PHAF1: variants seen among roughly 807,000 people sequenced by gnomAD.
The protein encoded by PHAF1 is phagosome assembly factor 1.
In PHAF1, 23 loss-of-function variants were observed where a neutral mutation model predicts 63.1. The observed-to-expected ratio is 0.36, with a 90% confidence interval of 0.26 to 0.52. The LOEUF (loss-of-function observed/expected upper bound fraction) is 0.52, where lower values mean the gene tolerates loss of function less well. Ranked by LOEUF, PHAF1 falls within the 20% of genes least tolerant of loss-of-function variation. PHAF1 has a pLI of 0.93. For synonymous variants in PHAF1, 167 were observed against 185.0 expected (o/e 0.90, Z 0.79); for missense variants, 427 against 517.2 (o/e 0.83, Z 1.69).
chr16:67,123,509 G>A (rs1250903133), intron 2 of PHAF1, among the ~76,000 whole-genome samples: 2 of 152,074 alleles, frequency 1.3e-5, no homozygotes, highest in Non-Finnish European at 2.9e-5. Flanking sequence ...CCTGAGAGGC[G>A]GAGGTTGCAG....
intron 10 of PHAF1, among the ~76,000 whole-genome samples, chr16:67,140,796 A>G (rs998296120): frequency 6.6e-6 from 1 of 152,242 alleles, no homozygotes. Context: ...GCTCAGGAAC[A>G]CTAGGTTCCC....
rs1567643376 is a variant in PHAF1 at position 67,125,949 on chromosome 16, T to G, written c.148-10T>G. The G allele has an allele frequency of 6.3e-7, 1 of 1,593,834 alleles. No homozygotes were observed. The highest frequency in any genetic ancestry group is 1.7e-5 in the Admixed American group (1 of 59,894). ...AGTTACTCAGAATGTATTTTATTTT[T>G]GTTTTGTAGTCTCCTCTAAGCCATG... On this transcript the variant is annotated splice_polypyrimidine_tract_variant and intron_variant, in intron 2 of 15. Transcript: ENST00000219139.
chr16:67,146,511 C>T (rs1332200752), intron 15 of PHAF1, among the ~76,000 whole-genome samples, 161 bp downstream of exon 15: 2 of 152,222 alleles, frequency 1.3e-5, no homozygotes, highest in Non-Finnish European at 2.9e-5. Flanking sequence ...CCTCCCCACA[C>T]TTAACAATGA....
intron 1 of PHAF1, among the ~76,000 whole-genome samples, chr16:67,119,101 C>T (rs1174678940): frequency 6.6e-6 from 1 of 152,040 alleles, no homozygotes; most frequent in African/African-American, 2.4e-5. Flanking sequence ...TAAAATTGTT[C>T]CTTATAAGTC....
chr16:67,137,033 T>TA (rs1963634798), intron 8 of PHAF1, among the ~76,000 whole-genome samples: 1 of 151,916 alleles, frequency 6.6e-6, no homozygotes, highest in Non-Finnish European at 1.5e-5. Flanking sequence ...CAGGCGCCTG[T>TA]AGTTCCAGCT....
intron 15 of PHAF1, 121 bp from the exon 16 acceptor site, chr16:67,146,921 TGAG>T: frequency 2.3e-6 from 2 of 861,872 alleles, no homozygotes; most frequent in South Asian, 1.5e-5. Context: ...CAGGGGAGGT[TGAG>T]GAGTCGGGAA....
At chr16:67,117,182 A>G (rs1458918737) in intron 1 of PHAF1, among the ~76,000 whole-genome samples, 1 of 141,606 alleles carries the variant, frequency 7.1e-6, no homozygotes, top group Non-Finnish European at 1.5e-5. Context: ...ACAGGCACAC[A>G]CCACCATGCC....
chr16:67,110,113 C>G lies in PHAF1; in HGVS notation c.-63C>G. 6.5e-7 allele frequency: 1 copy of G among 1,532,396 alleles called. No individual in the cohort carries two copies. Among genetic ancestry groups the G allele is most frequent in the Non-Finnish European group, 8.8e-7 (1 of 1,132,952 alleles). The allele number at this position is 1,532,396 out of a possible 1,614,324, so 94.9% of individuals were successfully genotyped here. ...CGGCCTGTCAGCCGCTGCTTTGTCT[C>G]CTTAGCTCGGGTCCCTTCTGCGCTG... On this transcript the variant is annotated 5_prime_UTR_variant, in exon 1 of 16. Coordinates refer to ENST00000219139, the MANE Select transcript of PHAF1 (RefSeq NM_025187.5).
In PHAF1 at chr16:67,146,365, C is replaced by G. The variant is rs745737322; in HGVS notation, c.1182+15C>G. ...TGATCTTTGAGGTAAGCTGTGGAAGCCCTAGAAATAAACTGCCTGGGGGGT... is the reference window on the plus strand; with the variant it reads ...TGATCTTTGAGGTAAGCTGTGGAAGGCCTAGAAATAAACTGCCTGGGGGGT... On this transcript the variant is annotated intron_variant, in intron 15 of 15. Coordinates refer to ENST00000219139, the MANE Select transcript of PHAF1 (RefSeq NM_025187.5). 2 of 1,611,652 alleles carry G rather than the reference C, an allele frequency of 1.2e-6. No homozygotes were observed. The highest frequency in any genetic ancestry group is 3.3e-5 in the Admixed American group (2 of 60,008).
chr16:67,131,564 T>C (rs1963400349), intron 4 of PHAF1, among the ~76,000 whole-genome samples: 1 of 152,234 alleles, frequency 6.6e-6, no homozygotes, highest in Admixed American at 6.5e-5. Context: ...CTTAATCCAC[T>C]TGACAAAGCC....
At chr16:67,126,099 T>C in intron 3 of PHAF1, 57 bp downstream of exon 3, 3 of 1,310,622 alleles carry the variant, frequency 2.3e-6, no homozygotes. Flanking sequence ...TTTCTGGAGC[T>C]AATTAGTATG....
At chr16:67,145,957 G>A (rs1456463969) in intron 14 of PHAF1, among the ~76,000 whole-genome samples, 2 of 152,112 alleles carry the variant, frequency 1.3e-5, no homozygotes, top group Non-Finnish European at 2.9e-5. Context: ...TTGAGCTGCT[G>A]CCTGCTGAAG....
At chr16:67,115,681 A>G (rs552985046) in intron 1 of PHAF1, among the ~76,000 whole-genome samples, 1 of 152,308 alleles carries the variant, frequency 6.6e-6, no homozygotes, top group South Asian at 2.1e-4. Context: ...TTTGCCATTC[A>G]TATAGTTAGT....
chr16:67,122,570 C>CAA (rs912852837), intron 2 of PHAF1, among the ~76,000 whole-genome samples: 43 of 84,322 alleles, frequency 5.1e-4, no homozygotes, highest in African/African-American at 6.4e-4. Context: ...GACCCTGTCT[C>CAA]AAAAAAAAAA....
chr16:67,111,213 G>C (rs1036024912), intron 1 of PHAF1, among the ~76,000 whole-genome samples: 1 of 152,222 alleles, frequency 6.6e-6, no homozygotes, highest in Non-Finnish European at 1.5e-5. Flanking sequence ...ATAGGAGTTA[G>C]GGAGAAGTAA....
chr16:67,126,973 C>T (rs548688776), intron 3 of PHAF1, among the ~76,000 whole-genome samples: 1 of 150,812 alleles, frequency 6.6e-6, no homozygotes, highest in South Asian at 2.1e-4. Flanking sequence ...ACTGCAACCT[C>T]TGCCTCCCGG....
chr16:67,142,868 TC>T (rs1450297850), intron 10 of PHAF1, among the ~76,000 whole-genome samples: 1 of 152,146 alleles, frequency 6.6e-6, no homozygotes, highest in Non-Finnish European at 1.5e-5. Flanking sequence ...CGGCCACACT[TC>T]CTCTGCTCCA....
At chr16:67,117,875 A>C (rs1597185191) in intron 1 of PHAF1, among the ~76,000 whole-genome samples, 3 of 129,900 alleles carry the variant, frequency 2.3e-5, no homozygotes, top group African/African-American at 5.9e-5. Context: ...TGCAGCCTCC[A>C]CCTCCCAAGC....
chr16:67,110,279 C>T (rs966276021), intron 1 of PHAF1, 40 bp downstream of exon 1: 3 of 1,546,164 alleles, frequency 1.9e-6, no homozygotes, highest in Non-Finnish European at 1.8e-6. Flanking sequence ...ATTCGCTGAT[C>T]CTTGCTTTCT....
Sources: gnomAD v4.1 joint callset for allele counts (sites outside exome capture counted in the v4.1 genomes callset) on GRCh38, gnomAD v4.1.1 for gene constraint, MANE v1.5 for transcripts, NCBI Gene and HGNC (gene_info 2026-07-23, HGNC 2026-07-21) for gene names.